Variants in KDM4C observed in about 807,000 individuals in gnomAD.
KDM4C encodes lysine demethylase 4C.
KDM4C carries 81 observed loss-of-function variants against 129.3 expected under a neutral mutation model. The ratio of observed to expected loss-of-function variants is 0.63; its 90% CI spans 0.52 to 0.75. KDM4C has a LOEUF of 0.75. KDM4C is among the 30% of genes least tolerant of loss of function. KDM4C has a pLI of 0.00. For missense variants in KDM4C, 1,457 were observed against 1,304.0 expected (o/e 1.12, Z -1.81); for synonymous variants, 573 against 456.1 (o/e 1.26, Z -3.26).
chr9:7,004,049 C>T (rs1424156137), intron 12 of KDM4C, among the ~76,000 whole-genome samples: 2 of 152,134 alleles, frequency 1.3e-5, no homozygotes, highest in South Asian at 4.1e-4. Context: ...CCAGCCAAAA[C>T]ACCTCACTGG....
intron 8 of KDM4C, among the ~76,000 whole-genome samples, chr9:6,927,422 G>A (rs916266238): frequency 3.3e-5 from 5 of 152,120 alleles, no homozygotes; most frequent in Non-Finnish European, 5.9e-5. Flanking sequence ...GAGCTACTGC[G>A]CCCAGCCTCT....
At chr9:6,765,920 C>G (rs1820539785) in intron 1 of KDM4C, among the ~76,000 whole-genome samples, 1 of 152,006 alleles carries the variant, frequency 6.6e-6, no homozygotes, top group Non-Finnish European at 1.5e-5. Flanking sequence ...TCCTGAGTAG[C>G]TGGGACTACA....
At chr9:7,110,657 C>G (rs919516344) in intron 18 of KDM4C, among the ~76,000 whole-genome samples, 3 of 152,184 alleles carry the variant, frequency 2.0e-5, no homozygotes, top group Non-Finnish European at 4.4e-5. Context: ...CTTTTCTGGT[C>G]TCTTTCTTTA....
intron 8 of KDM4C, among the ~76,000 whole-genome samples, chr9:6,979,495 C>A (rs932137508): frequency 5.3e-5 from 8 of 152,104 alleles, no homozygotes; most frequent in Non-Finnish European, 1.0e-4. Flanking sequence ...TGTTGACTTG[C>A]TGTGGGAGAG....
At chr9:6,866,904 CATAT>C (rs141311036) in intron 5 of KDM4C, among the ~76,000 whole-genome samples, 5,447 of 131,046 alleles carry the variant, frequency 0.042, 180 homozygotes, top group African/African-American at 0.088. Flanking sequence ...TATATATATA[CATAT>C]ATATATATAT....
At chr9:6,915,256 C>T (rs903658475) in intron 8 of KDM4C, among the ~76,000 whole-genome samples, 1 of 152,282 alleles carries the variant, frequency 6.6e-6, no homozygotes, top group Non-Finnish European at 1.5e-5. Context: ...TTAGGTTTTA[C>T]AAAACAGGTG....
intron 15 of KDM4C, among the ~76,000 whole-genome samples, chr9:7,045,503 C>T (rs1829262270): frequency 6.6e-6 from 1 of 152,040 alleles, no homozygotes; most frequent in South Asian, 2.1e-4. Context: ...AAATGAACTA[C>T]CAGAGTTCTC....
At chr9:6,915,426 A>G (rs1243609121) in intron 8 of KDM4C, among the ~76,000 whole-genome samples, 1 of 152,212 alleles carries the variant, frequency 6.6e-6, no homozygotes, top group South Asian at 2.1e-4. Context: ...TGTGATGAAC[A>G]CTTGGAGATG....
chr9:6,773,902 G>A (rs1020704262), intron 1 of KDM4C, among the ~76,000 whole-genome samples: 1 of 151,900 alleles, frequency 6.6e-6, no homozygotes, highest in African/African-American at 2.4e-5. Context: ...CCAAACCCTA[G>A]GCATTTATTT....
chr9:6,927,263 G>A (rs150966454), intron 8 of KDM4C, among the ~76,000 whole-genome samples: 13 of 152,136 alleles, frequency 8.5e-5, no homozygotes, highest in Middle Eastern at 3.4e-3. Context: ...CTGAGTAGTT[G>A]GGATTACAGG....
intron 17 of KDM4C, among the ~76,000 whole-genome samples, chr9:7,064,447 C>A (rs970352460): frequency 6.6e-6 from 1 of 152,084 alleles, no homozygotes; most frequent in Admixed American, 6.5e-5. Flanking sequence ...TTTCAATAGT[C>A]AGGTGAAAGA....
At chr9:7,010,239 G>A (rs10975971) in intron 12 of KDM4C, among the ~76,000 whole-genome samples, 76,796 of 151,972 alleles carry the variant, frequency 0.51, 20,819 homozygotes, top group Non-Finnish European at 0.61. Flanking sequence ...TATAGGCAAA[G>A]ACTCTTATCT....
chr9:6,754,856 C>T (rs1818189137), upstream of KDM4C, among the ~76,000 whole-genome samples: 2 of 114,984 alleles, frequency 1.7e-5, no homozygotes, highest in Non-Finnish European at 3.4e-5. Context: ...GTCTGGGCAA[C>T]AGTGTGAAGA....
intron 2 of KDM4C, among the ~76,000 whole-genome samples, chr9:6,805,199 A>C (rs560129352): frequency 6.6e-6 from 1 of 152,310 alleles, no homozygotes; most frequent in Non-Finnish European, 1.5e-5. Context: ...GCGCCCTGCC[A>C]ATTTCATCTA....
Position 7,087,849 on chromosome 9 carries a change from TATG to T in KDM4C, c.2425-15831_2425-15829del. 1.3e-5 allele frequency among the ~76,000 whole-genome samples: 2 copies of T among 152,352 alleles called. 1 individual carries two copies. The highest frequency in any genetic ancestry group is 4.1e-4 in the South Asian group (2 of 4,832). ...TATAGCTTCTACAATTATTTAAACT[TATG>T]ATGAGAAATTTTGTGTCCACTTAAA... On this transcript the variant is annotated intron_variant, in intron 17 of 21. Coordinates refer to ENST00000381309, the MANE Select transcript of KDM4C (RefSeq NM_015061.6).
intron 1 of KDM4C, among the ~76,000 whole-genome samples, chr9:6,770,806 C>T (rs1347440289): frequency 9.3e-5 from 12 of 128,566 alleles, no homozygotes; most frequent in East Asian, 2.4e-4. Flanking sequence ...GATGGAATCT[C>T]GCTCTGTCGC....
chr9:6,730,614 CA>C lies in KDM4C; in HGVS notation c.49+9631del, dbSNP rs36043237. On this transcript the variant is annotated intron_variant, in intron 1 of 17. Coordinates refer to the KDM4C transcript ENST00000536108. ...TGGGCGACAGAGCGAGACTCTGTCTCAAAAAAAAAAAAAAGTAATAATAATA... is the reference window on the plus strand; with the variant it reads ...TGGGCGACAGAGCGAGACTCTGTCTCAAAAAAAAAAAAAGTAATAATAATA... 6.2e-3 allele frequency among the ~76,000 whole-genome samples: 676 copies of C among 109,494 alleles called. 3 individuals carry two copies. Among genetic ancestry groups the C allele is most frequent in the African/African-American group, 0.016 (456 of 28,040 alleles). 71.8% of individuals were successfully genotyped at this position (109,494 alleles called of 152,430 possible). A position where few individuals can be genotyped will look rare whatever the true frequency, so the allele number is the denominator to read the frequency against.
chr9:6,987,840 G>A (rs778257023), intron 11 of KDM4C, among the ~76,000 whole-genome samples: 8 of 151,924 alleles, frequency 5.3e-5, no homozygotes, highest in Non-Finnish European at 1.0e-4. Context: ...TTTGAAAATA[G>A]CATTCACATA....
chr9:6,919,247 T>TTTTCTTTCTTTCTTTCTTTC (rs141381388), intron 8 of KDM4C, among the ~76,000 whole-genome samples: 4 of 106,288 alleles, frequency 3.8e-5, no homozygotes, highest in African/African-American at 1.5e-4. Context: ...TCTTTCTTTC[T>TTTTCTTTCTTTCTTTCTTTC]TTTCTTTCTT....
Sources: gnomAD v4.1 joint callset for allele counts (sites outside exome capture counted in the v4.1 genomes callset) on GRCh38, gnomAD v4.1.1 for gene constraint, MANE v1.5 for transcripts, NCBI Gene and HGNC (gene_info 2026-07-23, HGNC 2026-07-21) for gene names.